ZNF423: variants seen among roughly 807,000 people sequenced by gnomAD.
The protein encoded by ZNF423 is Ebf-associated zinc finger protein.
Under a neutral mutation model 95.8 loss-of-function variants are expected in ZNF423, and 12 were observed. That is an observed-to-expected ratio of 0.13 (90% CI 0.08 to 0.20). The LOEUF (loss-of-function observed/expected upper bound fraction) is 0.20. Among genes scored for constraint, ZNF423 ranks in the 10% least tolerant of loss-of-function variants. The pLI is 1.00. For missense variants in ZNF423, 1,316 were observed against 1,737.1 expected, an observed-to-expected ratio of 0.76 and a Z score of 4.31; for synonymous variants, 749 against 711.9, an observed-to-expected ratio of 1.05 and a Z score of -0.83.
At chr16:49,530,519 C>T (rs1013282056) in intron 5 of ZNF423, among the ~76,000 whole-genome samples, 1 of 151,334 alleles carries the variant, frequency 6.6e-6, no homozygotes, top group South Asian at 2.1e-4. Flanking sequence ...GCTATGTCAC[C>T]AGTGCCTAGA....
At chr16:49,743,737 A>C (rs1418834272) in intron 2 of ZNF423, among the ~76,000 whole-genome samples, 1 of 151,606 alleles carries the variant, frequency 6.6e-6, no homozygotes, top group Non-Finnish European at 1.5e-5. Flanking sequence ...TGATCCTCCT[A>C]CCAACGAGCC....
chr16:49,724,505 G>A (rs537644289), intron 3 of ZNF423, among the ~76,000 whole-genome samples: 122 of 152,284 alleles, frequency 8.0e-4, no homozygotes, highest in African/African-American at 2.9e-3. Context: ...CACACTGCAC[G>A]ACCAAAACAG....
At chr16:49,802,779 T>C (rs1449270891) in intron 1 of ZNF423, among the ~76,000 whole-genome samples, 1 of 152,252 alleles carries the variant, frequency 6.6e-6, no homozygotes, top group African/African-American at 2.4e-5. Flanking sequence ...TGTAAAAGTT[T>C]CTGACATAAG....
At chr16:49,702,515 C>A (rs2032215055) in intron 3 of ZNF423, among the ~76,000 whole-genome samples, 1 of 152,146 alleles carries the variant, frequency 6.6e-6, no homozygotes. Flanking sequence ...TGCAAGGCGT[C>A]ATGCCGATCA....
intron 5 of ZNF423, among the ~76,000 whole-genome samples, chr16:49,561,845 C>A (rs538605215): frequency 5.3e-5 from 8 of 152,176 alleles, no homozygotes; most frequent in African/African-American, 1.7e-4. Context: ...AATTTGAAGA[C>A]GCCAGGATTG....
intron 5 of ZNF423, among the ~76,000 whole-genome samples, chr16:49,577,462 C>T (rs545858954): frequency 7.9e-5 from 12 of 152,138 alleles, no homozygotes; most frequent in African/African-American, 2.2e-4. Context: ...ACGCCAGGGC[C>T]CCATGTCCAG....
chr16:49,791,130 T>C (rs1377541119), intron 1 of ZNF423, among the ~76,000 whole-genome samples: 3 of 152,160 alleles, frequency 2.0e-5, no homozygotes, highest in Non-Finnish European at 4.4e-5. Flanking sequence ...AGCCAAGGAA[T>C]GCTAATGAAG....
intron 1 of ZNF423, among the ~76,000 whole-genome samples, chr16:49,791,555 T>C (rs1435341139): frequency 6.6e-6 from 1 of 152,176 alleles, no homozygotes; most frequent in Non-Finnish European, 1.5e-5. Context: ...ATGCTGCCAT[T>C]TTGTTAGACA....
intron 7 of ZNF423, among the ~76,000 whole-genome samples, chr16:49,502,530 A>C (rs1365019869): frequency 6.6e-6 from 1 of 151,846 alleles, no homozygotes; most frequent in Non-Finnish European, 1.5e-5. Context: ...TCCGTGGGCT[A>C]TCTGGAGAGA....
chr16:49,779,909 A>G (rs1008547712), intron 2 of ZNF423, among the ~76,000 whole-genome samples: 1 of 152,188 alleles, frequency 6.6e-6, no homozygotes, highest in African/African-American at 2.4e-5. Context: ...GGGCAGGGCC[A>G]TGGGCTTGCT....
intron 5 of ZNF423, among the ~76,000 whole-genome samples, chr16:49,597,794 T>G (rs1971232988): frequency 6.6e-6 from 1 of 152,190 alleles, no homozygotes; most frequent in African/African-American, 2.4e-5. Flanking sequence ...GGCACAATAC[T>G]CAGAGATTAT....
intron 1 of ZNF423, among the ~76,000 whole-genome samples, chr16:49,821,592 C>T (rs1474108953): frequency 1.3e-5 from 2 of 152,166 alleles, no homozygotes; most frequent in East Asian, 1.9e-4. Context: ...CTAAGGCCTT[C>T]AGGGGTGGCA....
intron 5 of ZNF423, among the ~76,000 whole-genome samples, chr16:49,552,341 C>T (rs145672674): frequency 4.8e-4 from 73 of 152,286 alleles, no homozygotes; most frequent in Middle Eastern, 3.4e-3. Flanking sequence ...AATCAACTCT[C>T]TTATACTTGA....
chr16:49,646,568 C>CTTTTTTTTTTTTTTTTTTTTTTTTTTTTT (rs1194511671), intron 3 of ZNF423, among the ~76,000 whole-genome samples: 5 of 120,710 alleles, frequency 4.1e-5, no homozygotes, highest in Admixed American at 1.8e-4. Flanking sequence ...ATTTTCTTTT[C>CTTTTTTTTTTTTTTTTTTTTTTTTTTTTT]TTTTTCTTTT....
chr16:49,832,536 G>A (rs760308611), intron 1 of ZNF423, among the ~76,000 whole-genome samples: 4 of 152,052 alleles, frequency 2.6e-5, no homozygotes, highest in South Asian at 2.1e-4. Context: ...TCCTCAAATA[G>A]GCGCTCCTCA....
At chr16:49,632,838 C>T (rs1485320553) in intron 4 of ZNF423, among the ~76,000 whole-genome samples, 1 of 152,144 alleles carries the variant, frequency 6.6e-6, no homozygotes, top group African/African-American at 2.4e-5. Flanking sequence ...TCACACAGCC[C>T]AAGGCTTTGG....
chr16:49,500,869 G>A (rs1967371079), intron 7 of ZNF423, among the ~76,000 whole-genome samples: 1 of 151,778 alleles, frequency 6.6e-6, no homozygotes, highest in Admixed American at 6.6e-5. Context: ...GATCATGCCA[G>A]TGCACTCCAG....
intron 1 of ZNF423, among the ~76,000 whole-genome samples, chr16:49,815,873 A>ATATATATATATAT (rs1555488139): frequency 2.5e-5 from 1 of 40,430 alleles, no homozygotes; most frequent in African/African-American, 9.7e-5. Flanking sequence ...AAACAAACAA[A>ATATATATATATAT]AAAAAAAAAT....
chr16:49,510,540 TG>T (rs1967844253), intron 7 of ZNF423, among the ~76,000 whole-genome samples: 1 of 152,142 alleles, frequency 6.6e-6, no homozygotes, highest in South Asian at 2.1e-4. Flanking sequence ...TTGTTGTAAA[TG>T]GGTAAACTGA....
Sources: gnomAD v4.1 joint callset for allele counts (sites outside exome capture counted in the v4.1 genomes callset) on GRCh38, gnomAD v4.1.1 for gene constraint, MANE v1.5 for transcripts, NCBI Gene and HGNC (gene_info 2026-07-23, HGNC 2026-07-21) for gene names.